The following ARGFX variants were observed in gnomAD, a reference collection of about 807,000 sequenced individuals.
ARGFX encodes arginine-fifty homeobox.
A neutral mutation model predicts 8.0 loss-of-function variants in ARGFX; 10 were observed. That is an observed-to-expected ratio of 1.25 (90% CI 0.77 to 2.12). ARGFX has a LOEUF of 2.12. Among genes scored for constraint, ARGFX ranks in the 30% most tolerant of loss-of-function variants. ARGFX has a pLI of 0.00. For missense variants in ARGFX, 282 were observed against 324.3 expected, an observed-to-expected ratio of 0.87 and a Z score of 1.00; for synonymous variants, 116 against 117.8, an observed-to-expected ratio of 0.98 and a Z score of 0.10.
intron 2 of ARGFX, 88 bp downstream of exon 2, chr3:121,570,904 G>A (rs2048704614): frequency 7.9e-6 from 7 of 882,270 alleles, no homozygotes. Flanking sequence ...TTGTTTTAAG[G>A]CAGCTATTGA....
Position 121,570,707 on chromosome 3 carries a change from A to C in ARGFX, c.-7A>C. ...TCATAGGCCTTCCATCTCAGATTTC[A>C]GAAACCATGAGGAACAGAATGGCCC... On this transcript the variant is annotated 5_prime_UTR_variant, in exon 2 of 5. Transcript: ENST00000334384. 6.3e-7 allele frequency: 1 copy of C among 1,595,268 alleles called. No individual in the cohort carries two copies. The highest frequency in any genetic ancestry group is 8.5e-7 in the Non-Finnish European group (1 of 1,170,966).
At chr3:121,577,230 T>TAA (rs2048744437) in intron 3 of ARGFX, among the ~76,000 whole-genome samples, 1 of 64,444 alleles carries the variant, frequency 1.6e-5, no homozygotes, top group Non-Finnish European at 2.7e-5. Context: ...CATGTACATA[T>TAA]ATATATATAT....
At chr3:121,581,078 C>T (rs1034985013) in intron 3 of ARGFX, among the ~76,000 whole-genome samples, 7 of 152,020 alleles carry the variant, frequency 4.6e-5, no homozygotes, top group South Asian at 4.1e-4. Context: ...CGGGTTCAAG[C>T]GACTCTCGTG....
At chr3:121,584,735 C>T (rs2048801179) in intron 3 of ARGFX, among the ~76,000 whole-genome samples, 182 bp from the exon 4 acceptor site, 1 of 152,178 alleles carries the variant, frequency 6.6e-6, no homozygotes, top group South Asian at 2.1e-4. Flanking sequence ...AGCATTGTTA[C>T]ACAGGGCTCA....
At chr3:121,583,399 C>T (rs947498897) in intron 3 of ARGFX, among the ~76,000 whole-genome samples, 5 of 151,726 alleles carry the variant, frequency 3.3e-5, no homozygotes, top group African/African-American at 7.3e-5. Context: ...CTTTTTCAAT[C>T]TTCTATACAT....
At chr3:121,579,680 G>A (rs571069570) in intron 3 of ARGFX, among the ~76,000 whole-genome samples, 1 of 152,210 alleles carries the variant, frequency 6.6e-6, no homozygotes. Flanking sequence ...ATTTGATTGA[G>A]ATGGGTTTTC....
chr3:121,570,611 C>T, intron 1 of ARGFX, 91 bp from the exon 2 acceptor site: 1 of 730,938 alleles, frequency 1.4e-6, no homozygotes, highest in Non-Finnish European at 2.2e-6. Context: ...TGCCAGAGGT[C>T]ATACATCAAG....
chr3:121,586,300 G>A lies in ARGFX; in HGVS notation c.648G>A (p.Ser216=), dbSNP rs145252171. 1.5e-4 allele frequency: 243 copies of A among 1,614,024 alleles called. No individual in the cohort carries two copies. Among genetic ancestry groups the A allele is most frequent in the Non-Finnish European group, 1.9e-4 (227 of 1,180,032 alleles). Residue 216 remains serine, a synonymous_variant, in exon 5 of 5, where the codon TCG becomes TCA. Coordinates refer to ENST00000334384, the MANE Select transcript of ARGFX (RefSeq NM_001012659.2). ...QDTQWERLVA[S]VPALYSDAYD... Reference sequence around the variant, plus strand: ...CTCAGTGGGAGAGGCTGGTGGCCTCGGTTCCTGCTTTGTACTCTGATGCCT... The same window carrying A: ...CTCAGTGGGAGAGGCTGGTGGCCTCAGTTCCTGCTTTGTACTCTGATGCCT...
chr3:121,573,419 T>C (rs566049439), intron 2 of ARGFX, among the ~76,000 whole-genome samples: 1 of 151,278 alleles, frequency 6.6e-6, no homozygotes, highest in Non-Finnish European at 1.5e-5. Flanking sequence ...AGACAGAGAC[T>C]GCAGCAGAGA....
intron 2 of ARGFX, 77 bp downstream of exon 2, chr3:121,570,893 T>A: frequency 1.9e-6 from 2 of 1,036,490 alleles, no homozygotes; most frequent in Non-Finnish European, 2.7e-6. Flanking sequence ...GCATTTTGCA[T>A]TTGTTTTAAG....
chr3:121,586,151 G>A lies in ARGFX; in HGVS notation c.499G>A (p.Ala167Thr), dbSNP rs2048811558. 2 of 1,613,792 alleles carry A rather than the reference G, an allele frequency of 1.2e-6. No homozygotes were observed. Among genetic ancestry groups the A allele is most frequent in the Non-Finnish European group, 1.7e-6 (2 of 1,179,996 alleles). Reference sequence around the variant, plus strand: ...CCCCAGAACATCCCCCAGTCCTTATGCTTTTTCTCCTGTGATTTCAGATTT... The same window carrying A: ...CCCCAGAACATCCCCCAGTCCTTATACTTTTTCTCCTGTGATTTCAGATTT... ...TSPRTSPSPY[A>T]FSPVISDFYS... The change falls in exon 5 of 5, where the codon GCT becomes ACT. Residue 167 changes from alanine (A) to threonine (T), a missense_variant. Coordinates refer to ENST00000334384, the MANE Select transcript of ARGFX (RefSeq NM_001012659.2).
At chr3:121,570,956 A>G in intron 2 of ARGFX, 140 bp downstream of exon 2, 1 of 569,758 alleles carries the variant, frequency 1.8e-6, no homozygotes, top group East Asian at 3.3e-5. Flanking sequence ...CCATCATAAA[A>G]GGAGAAATAC....
chr3:121,589,068 G>A lies in ARGFX; in HGVS notation c.*2468G>A, dbSNP rs192396038. Among the ~76,000 whole-genome samples, 23 of 152,222 alleles carry A rather than the reference G, an allele frequency of 1.5e-4. No individual in the cohort carries two copies. The highest frequency in any genetic ancestry group is 1.2e-3 in the East Asian group (6 of 5,180). Reference sequence around the variant, plus strand: ...CCAGAGCCCATGGTCCCAGCTACTCGAGAGGCTGAGGTAAGAGCATCCCTT... The same window carrying A: ...CCAGAGCCCATGGTCCCAGCTACTCAAGAGGCTGAGGTAAGAGCATCCCTT... On this transcript the variant is annotated 3_prime_UTR_variant, in exon 5 of 5. Transcript: ENST00000334384.
chr3:121,574,131 G>A (rs2048723870), intron 2 of ARGFX, among the ~76,000 whole-genome samples: 1 of 152,052 alleles, frequency 6.6e-6, no homozygotes, highest in African/African-American at 2.4e-5. Flanking sequence ...AGACTTACCA[G>A]TTCAAGACCA....
rs890409632 is a variant in ARGFX at position 121,588,195 on chromosome 3, T to C, written c.*1595T>C. Among the ~76,000 whole-genome samples, 2 of 148,970 alleles carry C rather than the reference T, an allele frequency of 1.3e-5. No homozygotes were observed. The highest frequency in any genetic ancestry group is 3.0e-5 in the Non-Finnish European group (2 of 67,482). On this transcript the variant is annotated 3_prime_UTR_variant, in exon 5 of 5. Transcript: ENST00000334384. ...AATAAAGAAACATAAGGGCTGGGGG[T>C]GGTGGCTCATGCCTGTAATCCCAGC...
intron 4 of ARGFX, 28 bp downstream of exon 4, chr3:121,585,093 C>G (rs754652359): frequency 6.2e-7 from 1 of 1,609,660 alleles, no homozygotes; most frequent in Admixed American, 1.7e-5. Context: ...GTGCTTGGTA[C>G]CCCCATCCAA....
chr3:121,571,218 A>G (rs1018924076), intron 2 of ARGFX, among the ~76,000 whole-genome samples: 3 of 152,200 alleles, frequency 2.0e-5, no homozygotes, highest in Non-Finnish European at 4.4e-5. Context: ...AAGAAGATTC[A>G]TTTATATAAG....
chr3:121,570,362 T>C (rs551764017), intron 1 of ARGFX, among the ~76,000 whole-genome samples: 3 of 152,366 alleles, frequency 2.0e-5, no homozygotes, highest in East Asian at 3.9e-4. Flanking sequence ...AAGAACTGTC[T>C]TTGTTTCTGA....
At chr3:121,572,812 T>TA (rs1054331997) in intron 2 of ARGFX, among the ~76,000 whole-genome samples, 14 of 152,116 alleles carry the variant, frequency 9.2e-5, no homozygotes, top group African/African-American at 3.1e-4. Flanking sequence ...TAAAGACAGA[T>TA]ATATAGACCA....
Sources: allele counts gnomAD v4.1 joint callset (sites outside exome capture counted in the v4.1 genomes callset), GRCh38; gene constraint gnomAD v4.1.1; transcripts MANE v1.5; gene names NCBI Gene and HGNC (gene_info 2026-07-23, HGNC 2026-07-21).